PCDHA6: variants seen among roughly 807,000 people sequenced by gnomAD.
PCDHA6 encodes the protein protocadherin alpha 6.
PCDHA6 carries 55 observed loss-of-function variants against 60.3 expected under a neutral mutation model. The ratio of observed to expected loss-of-function variants is 0.91; its 90% CI spans 0.73 to 1.14. The LOEUF (loss-of-function observed/expected upper bound fraction) is 1.14. PCDHA6 is among the 50% of genes most tolerant of loss of function. The pLI is 0.00. For missense variants in PCDHA6, 1,327 were observed against 1,256.5 expected (o/e 1.06, Z -0.85); for synonymous variants, 652 against 557.9 (o/e 1.17, Z -2.38).
rs1448690269 is a variant in PCDHA6 at position 140,828,068 on chromosome 5, G to A, written c.-24G>A. 6.4e-7 allele frequency: 1 copy of A among 1,561,610 alleles called. No individual in the cohort carries two copies. Among genetic ancestry groups the A allele is most frequent in the African/African-American group, 1.4e-5 (1 of 73,008 alleles). ...TCTTTATGCGGAAGATCTTCTAATGGAAATAAAACCAGAGGTATTTGACAT... is the reference window on the plus strand; with the variant it reads ...TCTTTATGCGGAAGATCTTCTAATGAAAATAAAACCAGAGGTATTTGACAT... On this transcript the variant is annotated 5_prime_UTR_variant, in exon 1 of 4. Coordinates refer to ENST00000529310, the MANE Select transcript of PCDHA6 (RefSeq NM_018909.4).
chr5:141,008,838 G>A (rs555239899), intron 3 of PCDHA6, among the ~76,000 whole-genome samples: 2 of 152,192 alleles, frequency 1.3e-5, no homozygotes, highest in South Asian at 2.1e-4. Context: ...ATCCTCTTAC[G>A]CTGTGTATTC....
chr5:140,886,603 G>A lies in PCDHA6; in HGVS notation c.2394+56118G>A, dbSNP rs781862855. Among the ~76,000 whole-genome samples, 8 of 152,090 alleles carry A rather than the reference G, an allele frequency of 5.3e-5. No individual in the cohort carries two copies. The East Asian group carries it at 1.2e-3, about 22-fold the overall frequency. ...AGCACTTTGGGAGGCCAAGGTGGGCGGATCAGGAGATCAGGAGTCCGAGAC... is the reference window on the plus strand; with the variant it reads ...AGCACTTTGGGAGGCCAAGGTGGGCAGATCAGGAGATCAGGAGTCCGAGAC... On this transcript the variant is annotated intron_variant, in intron 1 of 3. Coordinates refer to ENST00000529310, the MANE Select transcript of PCDHA6 (RefSeq NM_018909.4).
chr5:140,871,966 C>G (rs1210672603), intron 1 of PCDHA6, among the ~76,000 whole-genome samples: 2 of 152,204 alleles, frequency 1.3e-5, no homozygotes, highest in African/African-American at 4.8e-5. Context: ...AGGAGGTCTT[C>G]CTATGATGTC....
chr5:140,889,108 T>C (rs553126619), intron 1 of PCDHA6, among the ~76,000 whole-genome samples: 3 of 151,936 alleles, frequency 2.0e-5, no homozygotes, highest in Admixed American at 1.3e-4. Context: ...TCATCTTTAT[T>C]CCAGGTGATA....
rs112458290 is a variant in PCDHA6, at chr5:140,842,855, A to G, written c.2394+12370A>G. 3.5e-3 allele frequency: 5,603 copies of G among 1,593,762 alleles called. 526 individuals carry two copies. The African/African-American group carries it at 0.06, about 17-fold the overall frequency. On this transcript the variant is annotated intron_variant, in intron 1 of 3. Coordinates refer to ENST00000529310, the MANE Select transcript of PCDHA6 (RefSeq NM_018909.4). ...GCTGTCGAGCTACATTTCGGTGCACACGGAGAGCGGCAAGGTGTACGCGCT... is the reference window on the plus strand; with the variant it reads ...GCTGTCGAGCTACATTTCGGTGCACGCGGAGAGCGGCAAGGTGTACGCGCT...
At chr5:140,935,134 T>G (rs1358918679) in intron 1 of PCDHA6, among the ~76,000 whole-genome samples, 1 of 152,210 alleles carries the variant, frequency 6.6e-6, no homozygotes. Context: ...TAGTGAAAGA[T>G]GATACTTAGA....
chr5:140,941,191 T>TTTTTCTTTC lies in PCDHA6; in HGVS notation c.2395-37755_2395-37754insTCTTTCTTT, dbSNP rs1554213809. 3.1e-4 allele frequency among the ~76,000 whole-genome samples: 29 copies of TTTTTCTTTC among 93,252 alleles called. No homozygotes were observed. The East Asian group carries it at 6.1e-3, about 20-fold the overall frequency. 61.2% of individuals were successfully genotyped at this position (93,252 alleles called of 152,430 possible). On this transcript the variant is annotated intron_variant, in intron 1 of 3. Transcript: ENST00000529310. ...CATCTTGAACATCCTGCTTCTTTTT[T>TTTTTCTTTC]TTTCTTTCTTCCTTTCTTTCTTCCT...
At chr5:140,856,044 A>G (rs782811970) in intron 1 of PCDHA6, 1 of 1,581,666 alleles carries the variant, frequency 6.3e-7, no homozygotes, top group South Asian at 1.1e-5. Context: ...CAAGAGAAGG[A>G]TAAGATGGTT....
At chr5:140,883,324 C>A (rs782213205) in intron 1 of PCDHA6, 1 of 1,614,166 alleles carries the variant, frequency 6.2e-7, no homozygotes, top group Non-Finnish European at 8.5e-7. Context: ...AGGTTACCAT[C>A]ACTTCTTTGT....
Position 140,852,810 on chromosome 5 carries a change from C to T in PCDHA6, c.2394+22325C>T, listed in dbSNP as rs2150522687. On this transcript the variant is annotated intron_variant, in intron 1 of 3. Transcript: ENST00000529310. The stretch of plus-strand genomic sequence containing the variant: ...GATGCTACAGATGTCATTTGTCTCC[C>T]GCCCTAAGTCCTCCAGTCTCCTTAG... 3.4e-5 allele frequency: 33 copies of T among 973,688 alleles called. 1 individual carries two copies. The highest frequency in any genetic ancestry group is 1.4e-4 in the South Asian group (3 of 20,896). The allele number at this position is 973,688 out of a possible 1,614,324, so 60.3% of individuals were successfully genotyped here. A position where few individuals can be genotyped will look rare whatever the true frequency, so the allele number is the denominator to read the frequency against.
intron 1 of PCDHA6, among the ~76,000 whole-genome samples, chr5:140,833,911 A>T (rs1554134000): frequency 6.6e-6 from 1 of 152,184 alleles, no homozygotes; most frequent in African/African-American, 2.4e-5. Flanking sequence ...TTAAACTTGC[A>T]GTTGTTTAAA....
At chr5:140,875,026 C>T (rs2055229265) in intron 1 of PCDHA6, among the ~76,000 whole-genome samples, 1 of 152,142 alleles carries the variant, frequency 6.6e-6, no homozygotes, top group South Asian at 2.1e-4. Flanking sequence ...TTCTGGCCTA[C>T]TGTATTTGAA....
chr5:140,997,668 T>TGTGTG (rs2097778571), intron 3 of PCDHA6, among the ~76,000 whole-genome samples: 1 of 148,244 alleles, frequency 6.7e-6, no homozygotes, highest in African/African-American at 2.5e-5. Flanking sequence ...ATTATACAGC[T>TGTGTG]TGTGTGTGTG....
intron 1 of PCDHA6, among the ~76,000 whole-genome samples, chr5:140,957,650 C>T (rs1239447979): frequency 1.3e-5 from 2 of 151,848 alleles, no homozygotes; most frequent in Non-Finnish European, 2.9e-5. Flanking sequence ...CTTAAATATT[C>T]AATCATGGAG....
intron 1 of PCDHA6, among the ~76,000 whole-genome samples, chr5:140,936,049 C>A (rs1185871662): frequency 1.3e-5 from 2 of 151,974 alleles, no homozygotes; most frequent in African/African-American, 2.4e-5. Context: ...CCCACCACCA[C>A]ACCCGGCTAA....
chr5:140,985,401 C>T (rs2097150530), intron 3 of PCDHA6, among the ~76,000 whole-genome samples: 1 of 152,108 alleles, frequency 6.6e-6, no homozygotes, highest in Non-Finnish European at 1.5e-5. Flanking sequence ...CCAACTGTTC[C>T]CCTGGAAATG....
chr5:140,841,710 C>A (rs2150321322), intron 1 of PCDHA6: 2 of 1,613,738 alleles, frequency 1.2e-6, no homozygotes, highest in African/African-American at 2.7e-5. Flanking sequence ...AATGACAACC[C>A]GCCAGTGTTC....
At chr5:141,006,353 A>G (rs2098269096) in intron 3 of PCDHA6, among the ~76,000 whole-genome samples, 1 of 151,784 alleles carries the variant, frequency 6.6e-6, no homozygotes, top group Admixed American at 6.6e-5. Flanking sequence ...CTGGGACTAT[A>G]GGCGCCCACC....
chr5:140,938,560 C>T (rs2092118397), intron 1 of PCDHA6, among the ~76,000 whole-genome samples: 1 of 143,272 alleles, frequency 7.0e-6, no homozygotes, highest in Non-Finnish European at 1.5e-5. Flanking sequence ...TTATTAATAG[C>T]ATGCATTATA....
Sources: allele counts gnomAD v4.1 joint callset (sites outside exome capture counted in the v4.1 genomes callset), GRCh38; gene constraint gnomAD v4.1.1; transcripts MANE v1.5; gene names NCBI Gene and HGNC (gene_info 2026-07-23, HGNC 2026-07-21).